Variants in GRM4 observed in about 807,000 individuals in gnomAD.
GRM4 encodes the protein metabotropic glutamate receptor 4.
GRM4 carries 28 observed loss-of-function variants against 81.7 expected under a neutral mutation model. That is an observed-to-expected ratio of 0.34 (90% CI 0.25 to 0.47). The LOEUF is 0.47. GRM4 is among the 20% of genes least tolerant of loss of function. The probability of loss-of-function intolerance (pLI) is 1.00; values close to 1 mark genes in which losing one functional copy is unlikely to be tolerated. For missense variants in GRM4, 948 were observed against 1,290.0 expected (o/e 0.73, Z 4.06); for synonymous variants, 488 against 528.8 (o/e 0.92, Z 1.06).
intron 3 of GRM4, among the ~76,000 whole-genome samples, chr6:34,087,418 C>CA (rs765556138): frequency 2.1e-3 from 141 of 66,372 alleles, no homozygotes; most frequent in East Asian, 0.011. Context: ...GACTCCATCT[C>CA]AAAAAAAAAA....
At chr6:34,058,871 A>C in intron 5 of GRM4, 103 bp downstream of exon 5, 1 of 876,278 alleles carries the variant, frequency 1.1e-6, no homozygotes, top group Non-Finnish European at 1.8e-6. Context: ...GAGAAAAGGA[A>C]GGATATGGAA....
At position 34,133,683 on chromosome 6, in the gene GRM4, C is replaced by A; in HGVS notation, c.-187G>T. The A allele has an allele frequency of 7.1e-7, 1 of 1,408,490 alleles. No individual in the cohort carries two copies. 87.2% of individuals were successfully genotyped at this position (1,408,490 alleles called of 1,614,324 possible). A position where few individuals can be genotyped will look rare whatever the true frequency, so the allele number is the denominator to read the frequency against. On this transcript the variant is annotated 5_prime_UTR_variant, in exon 2 of 11. Transcript: ENST00000538487. This position sits in a 1 kb window ranked among gnomAD's most constrained non-coding sequence, Gnocchi z 6.5. ...GTCACTCGGGCCAAGCACAGTTGCC[C>A]GCACAGTCCAGGCCCACAGACAGCA...
intron 2 of GRM4, among the ~76,000 whole-genome samples, chr6:34,106,352 T>C (rs1158627654): frequency 6.6e-6 from 1 of 151,170 alleles, no homozygotes; most frequent in African/African-American, 2.4e-5. Context: ...GAGGCGGAGA[T>C]TGCAGTGAGC....
intron 1 of GRM4, among the ~76,000 whole-genome samples, chr6:34,145,684 G>A (rs143287688): frequency 0.011 from 1,606 of 152,346 alleles, 28 homozygotes; most frequent in African/African-American, 0.035. Flanking sequence ...GCGCAAGGGG[G>A]CGAGGGGGCC....
chr6:34,040,831 G>A, intron 6 of GRM4, 83 bp from the exon 7 acceptor site: 3 of 1,165,506 alleles, frequency 2.6e-6, no homozygotes, highest in Non-Finnish European at 3.8e-6. Context: ...CCACCCTCTG[G>A]CCACCTGGAG....
At chr6:34,119,375 G>A (rs996159808) in intron 2 of GRM4, among the ~76,000 whole-genome samples, 2 of 148,382 alleles carry the variant, frequency 1.3e-5, no homozygotes, top group Non-Finnish European at 3.0e-5. Context: ...CAGCCTGGGC[G>A]ACAGAGAGAG....
chr6:34,096,525 T>C (rs1768524133), intron 2 of GRM4, among the ~76,000 whole-genome samples: 1 of 152,236 alleles, frequency 6.6e-6, no homozygotes, highest in African/African-American at 2.4e-5. Flanking sequence ...CCCCACCTTG[T>C]GCAGGCAAGG....
At chr6:34,037,798 G>A (rs1043220031) in intron 8 of GRM4, among the ~76,000 whole-genome samples, 1 of 150,310 alleles carries the variant, frequency 6.7e-6, no homozygotes, top group African/African-American at 2.5e-5. Context: ...AGGAGGTAGA[G>A]GTTTCAGTGA....
At position 34,104,904 on chromosome 6, in the gene GRM4, G is replaced by A. The variant is rs901128645; in HGVS notation, c.520-12805C>T. ...GCAAAAGCCGACAATCCTCACACAG[G>A]CCGTGGGAGGCAGGGGCGGGGCTGG... On this transcript the variant is annotated intron_variant, in intron 2 of 10. Coordinates refer to ENST00000538487, the MANE Select transcript of GRM4 (RefSeq NM_000841.4). Among the ~76,000 whole-genome samples, 4 of 152,110 alleles carry A rather than the reference G, an allele frequency of 2.6e-5. No homozygotes were observed. In the East Asian group the frequency reaches 7.7e-4, roughly 29 times the overall value.
At chr6:34,101,662 G>A (rs754349953) in intron 2 of GRM4, among the ~76,000 whole-genome samples, 7 of 152,324 alleles carry the variant, frequency 4.6e-5, no homozygotes, top group Non-Finnish European at 1.0e-4. Flanking sequence ...TCAAACTAAG[G>A]GCTGAAGTGG....
At position 34,059,108 on chromosome 6, in the gene GRM4, C is replaced by T. The variant is rs539899143; in HGVS notation, c.893G>A (p.Arg298Gln). The T allele has an allele frequency of 6.2e-6, 10 of 1,613,734 alleles. No homozygotes were observed. Among genetic ancestry groups the T allele is most frequent in the African/African-American group, 1.3e-5 (1 of 75,014 alleles). ...GAAATGGCCTGTCTGGTTGGCCCTT[C>T]GTGCTGCCTCCAGCACACGCCTGTA... ...DDIRRVLEAA[R>Q]RANQTGHFFW... Residue 298 changes from arginine to glutamine, a missense_variant, in exon 5 of 11, where the codon CGA (arginine) becomes CAA (glutamine). Arg to Gln is a conservative substitution (Grantham distance 43). Transcript: ENST00000538487. This position sits in a 1 kb window ranked among gnomAD's most constrained non-coding sequence, Gnocchi z 5.7.
At chr6:34,067,950 GCTGCCACCA>G (rs1766572097) in intron 3 of GRM4, among the ~76,000 whole-genome samples, 1 of 152,186 alleles carries the variant, frequency 6.6e-6, no homozygotes, top group Non-Finnish European at 1.5e-5. Flanking sequence ...CTGCCTGCCT[GCTGCCACCA>G]CTTTCCCTTC....
In GRM4 at chr6:34,040,269, G is replaced by A; in HGVS notation, c.1415C>T (p.Pro472Leu). 1.2e-6 allele frequency: 2 copies of A among 1,614,182 alleles called. No individual in the cohort carries two copies. Among genetic ancestry groups the A allele is most frequent in the Non-Finnish European group, 1.7e-6 (2 of 1,179,972 alleles). ...PVTFNENGDA[P>L]GRYDIYQYQL... ...GTATTGGTAGATGTCATAGCGCCCA[G>A]GCGCATCTCCATTCTCATTGAAGGT... is the stretch of plus-strand genomic sequence containing the variant. Residue 472 changes from proline to leucine, a missense_variant, in exon 8 of 11, where the codon CCT becomes CTT. By Grantham distance (98) the Pro-to-Leu change is moderately conservative. Transcript: ENST00000538487.
Position 34,028,207 on chromosome 6 carries a change from T to C in GRM4, c.2602A>G (p.Thr868Ala). The change falls in exon 10 of 11, where the codon ACC (threonine) becomes GCC (alanine). Residue 868 changes from threonine (T) to alanine (A), a missense_variant. Physicochemically the swap from Thr to Ala is moderately conservative, Grantham distance 58. Transcript: ENST00000538487. ...RSLKAVVTAA[T>A]MSNKFTQKGN... ...TTCTGCGTGAACTTGTTGGACATGG[T>C]GGCCGCCGTAACGACGGCTTTGAGG... The C allele has an allele frequency of 6.2e-7, 1 of 1,613,908 alleles. No individual in the cohort carries two copies. Among genetic ancestry groups the C allele is most frequent in the East Asian group, 2.2e-5 (1 of 44,894 alleles).
intron 3 of GRM4, among the ~76,000 whole-genome samples, chr6:34,066,883 A>G (rs1381215631): frequency 6.6e-6 from 1 of 152,108 alleles, no homozygotes; most frequent in Non-Finnish European, 1.5e-5. Context: ...CCTGACAGAG[A>G]ACACAGCAGG....
Position 34,040,779 on chromosome 6 carries a change from C to T in GRM4, c.1169-31G>A, listed in dbSNP as rs9469689. ...ATGAAACACCAGGAACAGGGACACT[C>T]GTGAGGCCCACTGTCCTCACAGTGG... On this transcript the variant is annotated intron_variant, in intron 6 of 10. Coordinates refer to ENST00000538487, the MANE Select transcript of GRM4 (RefSeq NM_000841.4). 9.5e-6 allele frequency: 15 copies of T among 1,573,130 alleles called. 1 individual carries two copies. Among genetic ancestry groups the T allele is most frequent in the South Asian group, 4.5e-5 (4 of 89,182 alleles).
At chr6:34,123,935 T>C (rs986851212) in intron 2 of GRM4, among the ~76,000 whole-genome samples, 6 of 151,676 alleles carry the variant, frequency 4.0e-5, no homozygotes, top group Admixed American at 2.0e-4. Context: ...CGGGGTGGGG[T>C]CCGAAGAGGC....
Position 34,134,810 on chromosome 6 carries a change from A to ATTG in GRM4, c.-363-954_-363-952dup, listed in dbSNP as rs1255841442. 2.0e-5 allele frequency among the ~76,000 whole-genome samples: 3 copies of ATTG among 152,056 alleles called. No individual in the cohort carries two copies. The South Asian group carries it at 6.2e-4, about 31-fold the overall frequency. On this transcript the variant is annotated intron_variant, in intron 1 of 10. Transcript: ENST00000538487. ...CATTATTAAGATCATCATCATCATT[A>ATTG]TTGTTGTTGTGATTAAATATTTATC...
exon 1 of GRM4, chr6:34,155,438 C>T (rs1393129369): frequency 3.8e-6 from 5 of 1,300,788 alleles, no homozygotes; most frequent in East Asian, 5.2e-5. Flanking sequence ...GACAGGCCGG[C>T]GGTTCGCAAC....
Sources: gnomAD v4.1 joint callset for allele counts (sites outside exome capture counted in the v4.1 genomes callset) on GRCh38, gnomAD v4.1.1 for gene constraint, Gnocchi (gnomAD v3.1) non-coding constraint, MANE v1.5 for transcripts, NCBI Gene and HGNC (gene_info 2026-07-23, HGNC 2026-07-21) for gene names.